Variants in LOXHD1 observed in about 807,000 individuals in gnomAD.
The protein encoded by LOXHD1 is lipoxygenase homology domain-containing protein 1.
Under a neutral mutation model 248.2 loss-of-function variants are expected in LOXHD1, and 205 were observed. That is an observed-to-expected ratio of 0.83 (90% CI 0.74 to 0.93). LOXHD1 has a LOEUF of 0.93. Ranked by LOEUF, LOXHD1 falls within the 40% of genes least tolerant of loss-of-function variation. The pLI is 0.00. For missense variants in LOXHD1, 2,930 were observed against 2,971.6 expected (o/e 0.99, Z 0.33); for synonymous variants, 1,113 against 1,162.8 (o/e 0.96, Z 0.87).
In LOXHD1 at chr18:46,577,093, C is replaced by T. The variant is rs189324547; in HGVS notation, c.1970+614G>A. ...AGTCCAAGGCCCCAAGTCAATCATA[C>T]AGTGTGAATCCTCCAGACATTGCCA... is the stretch of plus-strand genomic sequence containing the variant. On this transcript the variant is annotated intron_variant, in intron 14 of 40. Transcript: ENST00000642948. Among the ~76,000 whole-genome samples, 501 of 152,310 alleles carry T rather than the reference C, an allele frequency of 3.3e-3. 2 individuals are homozygous for T. The highest frequency in any genetic ancestry group is 5.5e-3 in the Non-Finnish European group (375 of 68,034).
At chr18:46,545,198 C>T in intron 23 of LOXHD1, 119 bp downstream of exon 23, 4 of 739,888 alleles carry the variant, frequency 5.4e-6, no homozygotes, top group Non-Finnish European at 9.2e-6. Context: ...GGGCTAATTG[C>T]TTGCATCCTA....
intron 1 of LOXHD1, among the ~76,000 whole-genome samples, chr18:46,654,741 C>T (rs993563245): frequency 8.5e-5 from 13 of 152,224 alleles, no homozygotes; most frequent in Admixed American, 2.0e-4. Context: ...GAGAGGGTGA[C>T]AATGACAGTA....
At chr18:46,592,723 C>T (rs985240697) in intron 10 of LOXHD1, 139 bp from the exon 11 acceptor site, 9 of 702,132 alleles carry the variant, frequency 1.3e-5, no homozygotes, top group Admixed American at 7.1e-5. Context: ...AATCAAGCCA[C>T]CCTCACATAT....
chr18:46,637,900 G>A (rs2038912932), intron 4 of LOXHD1, among the ~76,000 whole-genome samples: 2 of 152,122 alleles, frequency 1.3e-5, no homozygotes, highest in Admixed American at 6.6e-5. Flanking sequence ...TTCCACTTAG[G>A]AGTTTATCTT....
In LOXHD1 at chr18:46,604,240, G is replaced by A. The variant is rs1401854849; in HGVS notation, c.760-11C>T. 1 of 1,551,558 alleles carries A rather than the reference G, an allele frequency of 6.4e-7. No homozygotes were observed. The highest frequency in any genetic ancestry group is 1.4e-5 in the African/African-American group (1 of 73,052). On this transcript the variant is annotated splice_polypyrimidine_tract_variant and intron_variant, in intron 6 of 40. Transcript: ENST00000642948. Reference sequence around the variant, plus strand: ...ATCTTCAATGACTATCTGGGAAGGAGAAGAGGGGACAAGGATGTAGATAAG... The same window carrying A: ...ATCTTCAATGACTATCTGGGAAGGAAAAGAGGGGACAAGGATGTAGATAAG...
chr18:46,507,854 G>T (rs1598875003), intron 35 of LOXHD1, 142 bp from the exon 36 acceptor site: 1 of 830,150 alleles, frequency 1.2e-6, no homozygotes, highest in Non-Finnish European at 1.8e-6. Context: ...GACCCACGGG[G>T]TGTGGAAAGG....
intron 38 of LOXHD1, among the ~76,000 whole-genome samples, chr18:46,487,220 T>C (rs2033121060): frequency 6.6e-6 from 1 of 152,072 alleles, no homozygotes; most frequent in Non-Finnish European, 1.5e-5. Flanking sequence ...TTAGGAGGCA[T>C]GGGTCGTAGT....
intron 26 of LOXHD1, among the ~76,000 whole-genome samples, chr18:46,535,603 TTGTTG>T: frequency 7.0e-6 from 1 of 142,656 alleles, no homozygotes; most frequent in Non-Finnish European, 1.6e-5. Flanking sequence ...GTTGTTGTTG[TTGTTG>T]CCCAGGCTGG....
At chr18:46,631,735 C>T (rs1599063177) in intron 4 of LOXHD1, among the ~76,000 whole-genome samples, 1 of 152,200 alleles carries the variant, frequency 6.6e-6, no homozygotes, top group Non-Finnish European at 1.5e-5. Flanking sequence ...GCAAATAGGG[C>T]AGGCCCCGGG....
chr18:46,505,993 A>G lies in LOXHD1; in HGVS notation c.5723T>C (p.Ile1908Thr). The G allele has an allele frequency of 6.4e-7, 1 of 1,552,260 alleles. No homozygotes were observed. The highest frequency in any genetic ancestry group is 8.7e-7 in the Non-Finnish European group (1 of 1,147,100). Reference protein sequence around the residue: ...GAGTDANVFIIIFGENGDSGT... With the variant: ...GAGTDANVFITIFGENGDSGT... ...ACTATCCCCGTTCTCCCCGAAGATG[A>G]TGATGAACACGTTGGCATCAGTGCC... Residue 1908 changes from isoleucine (I) to threonine (T), a missense_variant, in exon 37 of 41, where the codon ATC (isoleucine) becomes ACC (threonine). Coordinates refer to ENST00000642948, the MANE Select transcript of LOXHD1 (RefSeq NM_001384474.1).
intron 34 of LOXHD1, 71 bp from the exon 35 acceptor site, chr18:46,509,886 G>A (rs2034852854): frequency 9.1e-7 from 1 of 1,101,988 alleles, no homozygotes; most frequent in African/African-American, 1.6e-5. Flanking sequence ...GGCCAGGCCA[G>A]AGGCCAGGTT....
chr18:46,489,210 C>T (rs942483485), intron 37 of LOXHD1, 68 bp from the exon 38 acceptor site: 5 of 1,487,872 alleles, frequency 3.4e-6, no homozygotes, highest in Non-Finnish European at 4.6e-6. Context: ...ACTTCTACAT[C>T]CCCACAACCC....
At chr18:46,494,849 C>CTTTTTTTTTTTTTTT (rs58016824) in intron 37 of LOXHD1, among the ~76,000 whole-genome samples, 57 of 96,554 alleles carry the variant, frequency 5.9e-4, no homozygotes, top group South Asian at 1.2e-3. Context: ...TTCTCTCTCT[C>CTTTTTTTTTTTTTTT]TTTTTTTTTT....
At chr18:46,566,137 A>G in intron 17 of LOXHD1, 120 bp downstream of exon 17, 1 of 1,113,004 alleles carries the variant, frequency 9.0e-7, no homozygotes, top group Non-Finnish European at 1.3e-6. Flanking sequence ...TTCTCCCTGC[A>G]GGACCCTACC....
chr18:46,591,005 T>C (rs539862758), intron 12 of LOXHD1, among the ~76,000 whole-genome samples: 1 of 152,336 alleles, frequency 6.6e-6, no homozygotes, highest in South Asian at 2.1e-4. Flanking sequence ...GTTTCTATGT[T>C]TATGAGTATT....
At chr18:46,547,625 G>A (rs1224310711) in intron 21 of LOXHD1, among the ~76,000 whole-genome samples, 2 of 152,116 alleles carry the variant, frequency 1.3e-5, no homozygotes, top group East Asian at 1.9e-4. Flanking sequence ...CAAGGGAGGT[G>A]CCTGGACAGA....
chr18:46,533,255 G>A lies in LOXHD1; in HGVS notation c.4282C>T (p.Arg1428Ter), dbSNP rs932266011. ...ATSEDDKKTI[R>*]ELVPYDIFTE... ...AAGATGTCATATGGAACCAGTTCTC[G>A]AATGGTCTTTTTGTCATCCTCAGAG... is the stretch of plus-strand genomic sequence containing the variant. Residue 1428 changes from arginine (R) to a stop codon, truncating the protein, a stop_gained, in exon 28 of 41, where the codon CGA becomes TGA. Transcript: ENST00000642948. LOFTEE classifies it high-confidence loss of function. 7.1e-6 allele frequency: 11 copies of A among 1,551,628 alleles called. No homozygotes were observed. Among genetic ancestry groups the A allele is most frequent in the African/African-American group, 2.7e-5 (2 of 73,030 alleles).
At chr18:46,606,807 A>T (rs973713816) in intron 6 of LOXHD1, among the ~76,000 whole-genome samples, 1 of 152,184 alleles carries the variant, frequency 6.6e-6, no homozygotes, top group Admixed American at 6.5e-5. Context: ...AAATAGAAAC[A>T]TTTGACCAAA....
At chr18:46,604,936 G>A (rs562326317) in intron 6 of LOXHD1, among the ~76,000 whole-genome samples, 8 of 152,200 alleles carry the variant, frequency 5.3e-5, no homozygotes, top group South Asian at 2.1e-4. Flanking sequence ...TATGGGCAGA[G>A]GATAACCTTT....
Sources: gnomAD v4.1 joint callset for allele counts (sites outside exome capture counted in the v4.1 genomes callset) on GRCh38, gnomAD v4.1.1 for gene constraint, MANE v1.5 for transcripts, NCBI Gene and HGNC (gene_info 2026-07-23, HGNC 2026-07-21) for gene names.